Variants in METAP2 observed in about 807,000 individuals in gnomAD.
METAP2 encodes methionyl aminopeptidase 2.
In METAP2, 25 loss-of-function variants were observed where a neutral mutation model predicts 59.4. The ratio of observed to expected loss-of-function variants is 0.42; its 90% confidence interval spans 0.31 to 0.59. The LOEUF is 0.59. METAP2 is among the 20% of genes least tolerant of loss of function. METAP2 has a pLI of 0.16. For synonymous variants in METAP2, 214 were observed against 194.1 expected, an observed-to-expected ratio of 1.10 and a Z score of -0.85; for missense variants, 366 against 581.2, an observed-to-expected ratio of 0.63 and a Z score of 3.81.
chr12:95,506,234 A>G (rs1288895705), intron 8 of METAP2, among the ~76,000 whole-genome samples: 1 of 151,372 alleles, frequency 6.6e-6, no homozygotes, highest in Non-Finnish European at 1.5e-5. Flanking sequence ...GATGTACAGT[A>G]TCATACCTGG....
intron 9 of METAP2, 68 bp downstream of exon 9, chr12:95,512,066 A>G: frequency 2.7e-6 from 3 of 1,097,348 alleles, no homozygotes; most frequent in Non-Finnish European, 4.1e-6. Context: ...AGGTCATGGT[A>G]GTTAAATATA....
At chr12:95,484,456 C>A (rs2076181257) in intron 3 of METAP2, among the ~76,000 whole-genome samples, 1 of 149,498 alleles carries the variant, frequency 6.7e-6, no homozygotes, top group Admixed American at 6.7e-5. Flanking sequence ...AATAGTGTTA[C>A]CTGAGAATGA....
At chr12:95,493,102 A>AT (rs997750103) in intron 4 of METAP2, among the ~76,000 whole-genome samples, 267 of 149,706 alleles carry the variant, frequency 1.8e-3, no homozygotes, top group African/African-American at 5.2e-3. Context: ...AATTGTTTAG[A>AT]TTTTTTTTTT....
At position 95,514,793 on chromosome 12, in the gene METAP2, G is replaced by T. The variant is rs1424567269; in HGVS notation, c.*889G>T. 4 of 152,230 alleles carry T rather than the reference G, an allele frequency of 2.6e-5. No homozygotes were observed. The highest frequency in any genetic ancestry group is 4.8e-5 in the African/African-American group (2 of 41,548). The allele number at this position is 152,230 out of a possible 1,614,324, so 9.4% of individuals were successfully genotyped here. ...AGAAAAAAAAAAACTTCCCATGTTTGGATCTTGTTCTAGTTAGAAAAATTA... is the reference window on the plus strand; with the variant it reads ...AGAAAAAAAAAAACTTCCCATGTTTTGATCTTGTTCTAGTTAGAAAAATTA... On this transcript the variant is annotated 3_prime_UTR_variant, in exon 11 of 11. Transcript: ENST00000323666.
chr12:95,476,259 C>T, intron 2 of METAP2, 81 bp downstream of exon 2: 1 of 869,320 alleles, frequency 1.2e-6, no homozygotes, highest in Non-Finnish European at 1.8e-6. Context: ...GTAATCCCAG[C>T]ACTTTGGGAG....
intron 7 of METAP2, among the ~76,000 whole-genome samples, chr12:95,503,090 C>T (rs1366298814): frequency 6.6e-6 from 1 of 151,042 alleles, no homozygotes; most frequent in Non-Finnish European, 1.5e-5. Flanking sequence ...TTATTATTTT[C>T]CTTTGATGGG....
intron 4 of METAP2, 126 bp downstream of exon 4, chr12:95,486,107 A>T: frequency 1.5e-6 from 1 of 668,210 alleles, no homozygotes; most frequent in Non-Finnish European, 2.5e-6. Flanking sequence ...TGTCATAAAG[A>T]AGATACAGTA....
intron 1 of METAP2, among the ~76,000 whole-genome samples, chr12:95,474,759 T>C (rs917584974): frequency 6.6e-6 from 1 of 152,106 alleles, no homozygotes; most frequent in African/African-American, 2.4e-5. Context: ...TAGGACTTAT[T>C]TTCTTTGGGG....
Position 95,485,995 on chromosome 12 carries a change from A to T in METAP2, c.428+14A>T. The T allele has an allele frequency of 6.7e-7, 1 of 1,497,958 alleles. No homozygotes were observed. The highest frequency in any genetic ancestry group is 1.2e-5 in the South Asian group (1 of 82,440). The allele number at this position is 1,497,958 out of a possible 1,614,324, so 92.8% of individuals were successfully genotyped here. ...CACACAAGATGGGTAAGGATCATCA[A>T]ATCACTTCCAGTTTAATTTCTGACA... is the stretch of plus-strand genomic sequence containing the variant. On this transcript the variant is annotated intron_variant, in intron 4 of 10. Coordinates refer to ENST00000323666, the MANE Select transcript of METAP2 (RefSeq NM_006838.4).
chr12:95,505,198 G>A (rs940633307), intron 8 of METAP2, among the ~76,000 whole-genome samples: 3 of 152,066 alleles, frequency 2.0e-5, no homozygotes, highest in African/African-American at 7.3e-5. Context: ...TGCATTTCCT[G>A]TTGCCCATTA....
chr12:95,495,490 T>C (rs2076269866), intron 6 of METAP2, among the ~76,000 whole-genome samples: 1 of 151,886 alleles, frequency 6.6e-6, no homozygotes, highest in Non-Finnish European at 1.5e-5. Flanking sequence ...TTTAAAATAC[T>C]TAAGTTTATC....
chr12:95,493,781 T>C (rs1594423817), intron 4 of METAP2, among the ~76,000 whole-genome samples: 1 of 152,262 alleles, frequency 6.6e-6, no homozygotes, highest in East Asian at 1.9e-4. Context: ...CTGATTGTTT[T>C]ATTATCTTTT....
rs1010928319 is a variant in METAP2 at position 95,474,213 on chromosome 12, A to G, written c.34A>G (p.Ser12Gly). ...TGTGGAGGAGGTAGCGGCCTCCGGG[A>G]GCCACCTGAATGGCGACCTGGATCC... ...AGVEEVAASG[S>G]HLNGDLDPDD... is the part of the protein sequence containing the mutation. Residue 12 changes from serine to glycine, a missense_variant, in exon 1 of 11, where the codon AGC becomes GGC. Coordinates refer to ENST00000323666, the MANE Select transcript of METAP2 (RefSeq NM_006838.4). 1 of 1,613,938 alleles carries G rather than the reference A, an allele frequency of 6.2e-7. No homozygotes were observed. The highest frequency in any genetic ancestry group is 1.3e-5 in the African/African-American group (1 of 74,902).
intron 7 of METAP2, among the ~76,000 whole-genome samples, chr12:95,498,235 T>A (rs2076289978): frequency 6.6e-6 from 1 of 152,088 alleles, no homozygotes; most frequent in East Asian, 1.9e-4. Flanking sequence ...CCTCCCAAAG[T>A]GCTGGGATTA....
At chr12:95,474,431 C>T (rs2076102426) in intron 1 of METAP2, 101 bp downstream of exon 1, 1 of 1,292,898 alleles carries the variant, frequency 7.7e-7, no homozygotes, top group Non-Finnish European at 1.1e-6. Context: ...AGAGCCCCGA[C>T]TAGACTGATT....
chr12:95,511,582 G>C (rs1372219676), intron 8 of METAP2, among the ~76,000 whole-genome samples: 2 of 151,964 alleles, frequency 1.3e-5, no homozygotes, highest in African/African-American at 4.8e-5. Flanking sequence ...AGTAGAGACA[G>C]GGTTTCGCCA....
chr12:95,501,301 T>C (rs2076313625), intron 7 of METAP2, among the ~76,000 whole-genome samples: 1 of 152,334 alleles, frequency 6.6e-6, no homozygotes, highest in South Asian at 2.1e-4. Context: ...GTGTTGAGAT[T>C]ACAGGCATGA....
intron 7 of METAP2, among the ~76,000 whole-genome samples, chr12:95,501,654 G>A (rs1309754604): frequency 6.6e-6 from 1 of 151,908 alleles, no homozygotes; most frequent in African/African-American, 2.4e-5. Flanking sequence ...GATGGAGGTT[G>A]CAGTCAGCTG....
At chr12:95,495,298 T>C (rs2076268302) in intron 6 of METAP2, 160 bp downstream of exon 6, 1 of 574,640 alleles carries the variant, frequency 1.7e-6, no homozygotes, top group Non-Finnish European at 3.0e-6. Flanking sequence ...AAAATTTTAG[T>C]GCACTTATAG....
Sources: allele counts gnomAD v4.1 joint callset (sites outside exome capture counted in the v4.1 genomes callset), GRCh38; gene constraint gnomAD v4.1.1; transcripts MANE v1.5; gene names NCBI Gene and HGNC (gene_info 2026-07-23, HGNC 2026-07-21).